Variants in BLM observed in about 807,000 individuals in gnomAD.
The protein encoded by BLM is BLM RecQ like helicase.
BLM carries 95 observed loss-of-function variants against 135.3 expected under a neutral mutation model. That is an observed-to-expected ratio of 0.70 (90% CI 0.59 to 0.83). BLM has a LOEUF of 0.83. BLM is among the 40% of genes least tolerant of loss of function. The probability of loss-of-function intolerance (pLI) is 0.00; values close to 1 mark genes in which losing one functional copy is unlikely to be tolerated. For synonymous variants in BLM, 520 were observed against 589.2 expected, an observed-to-expected ratio of 0.88 and a Z score of 1.70; for missense variants, 1,518 against 1,663.9, an observed-to-expected ratio of 0.91 and a Z score of 1.53.
rs1408233877 is a variant in BLM, at chr15:90,760,195, T to G, written c.1136T>G (p.Ile379Ser). ...CAGCTTATTCATGTGATGGAGCACATCTGTAAATTAATTGATACTATTCCT... is the reference window on the plus strand; with the variant it reads ...CAGCTTATTCATGTGATGGAGCACAGCTGTAAATTAATTGATACTATTCCT... ...QQQLIHVMEHICKLIDTIPDD... is the reference protein window; with the variant it reads ...QQQLIHVMEHSCKLIDTIPDD... Residue 379 changes from isoleucine (I) to serine (S), a missense_variant, in exon 6 of 22, where the codon ATC becomes AGC. Physicochemically the swap from Ile to Ser is moderately radical, Grantham distance 142. Transcript: ENST00000355112. The G allele has an allele frequency of 6.2e-7, 1 of 1,613,200 alleles. No individual in the cohort carries two copies. Among genetic ancestry groups the G allele is most frequent in the African/African-American group, 1.3e-5 (1 of 74,996 alleles).
At chr15:90,785,998 C>CT (rs869185558) in intron 14 of BLM, among the ~76,000 whole-genome samples, 1,462 of 110,632 alleles carry the variant, frequency 0.013, 20 homozygotes, top group East Asian at 0.041. Context: ...TCGTTTCTTT[C>CT]TTTTTTTTTT....
At chr15:90,741,836 A>G (rs1250221937) in intron 1 of BLM, among the ~76,000 whole-genome samples, 1 of 152,186 alleles carries the variant, frequency 6.6e-6, no homozygotes. Flanking sequence ...AAATGAGAGA[A>G]CAATATTGTT....
At chr15:90,753,425 C>T (rs1449029175) in intron 4 of BLM, among the ~76,000 whole-genome samples, 1 of 152,028 alleles carries the variant, frequency 6.6e-6, no homozygotes, top group African/African-American at 2.4e-5. Flanking sequence ...AATCATTTTC[C>T]AATTGCTACA....
chr15:90,728,233 G>A (rs1485041117), intron 1 of BLM, among the ~76,000 whole-genome samples: 1 of 152,084 alleles, frequency 6.6e-6, no homozygotes, highest in Non-Finnish European at 1.5e-5. Context: ...ACAGGGTTTT[G>A]CTGTGTTGCC....
At chr15:90,793,007 C>T (rs575118786) in intron 15 of BLM, among the ~76,000 whole-genome samples, 21 of 138,582 alleles carry the variant, frequency 1.5e-4, no homozygotes, top group Middle Eastern at 4.1e-3. Flanking sequence ...TTTGGGAGGC[C>T]GAGGCCAAAA....
chr15:90,748,682 T>C (rs1373707931), intron 2 of BLM, among the ~76,000 whole-genome samples: 1 of 152,084 alleles, frequency 6.6e-6, no homozygotes, highest in Non-Finnish European at 1.5e-5. Flanking sequence ...GAGTTAGCAG[T>C]TTTTAACTCT....
chr15:90,773,906 A>T (rs1165641134), intron 12 of BLM, among the ~76,000 whole-genome samples: 1 of 151,570 alleles, frequency 6.6e-6, no homozygotes, highest in Non-Finnish European at 1.5e-5. Context: ...AAGCTGTTTC[A>T]GTGTTTTGGT....
At chr15:90,735,655 A>T (rs1895194877) in intron 1 of BLM, among the ~76,000 whole-genome samples, 1 of 152,178 alleles carries the variant, frequency 6.6e-6, no homozygotes, top group Non-Finnish European at 1.5e-5. Context: ...TCTATACTTT[A>T]TATCAGACAC....
intron 1 of BLM, among the ~76,000 whole-genome samples, chr15:90,719,787 G>A (rs1339255984): frequency 6.6e-6 from 1 of 152,046 alleles, no homozygotes; most frequent in Non-Finnish European, 1.5e-5. Context: ...AGAGAAAAAT[G>A]GATAGAATAA....
chr15:90,738,610 A>G (rs961326789), intron 1 of BLM, among the ~76,000 whole-genome samples: 1 of 146,594 alleles, frequency 6.8e-6, no homozygotes, highest in African/African-American at 2.5e-5. Context: ...AAAAACTCAT[A>G]CAGCTCAACA....
intron 5 of BLM, among the ~76,000 whole-genome samples, chr15:90,757,883 TC>T: frequency 6.7e-6 from 1 of 150,084 alleles, no homozygotes; most frequent in African/African-American, 2.5e-5. Flanking sequence ...CCATTTTTTT[TC>T]CTTTTTTTCA....
chr15:90,787,063 T>G (rs1269954088), intron 14 of BLM, among the ~76,000 whole-genome samples: 2 of 117,764 alleles, frequency 1.7e-5, no homozygotes, highest in Admixed American at 8.1e-5. Context: ...TTTTTTTTTT[T>G]TTTGAGACGG....
chr15:90,760,557 C>T (rs777135765), intron 6 of BLM, 37 bp from the exon 7 acceptor site: 1 of 1,573,800 alleles, frequency 6.4e-7, no homozygotes, highest in Non-Finnish European at 8.7e-7. Context: ...GAGTAAACTA[C>T]TTATATTTAA....
chr15:90,793,157 C>T (rs1596258972), intron 15 of BLM, among the ~76,000 whole-genome samples: 2 of 144,164 alleles, frequency 1.4e-5, no homozygotes, highest in South Asian at 4.3e-4. Context: ...TTTTTTGAGA[C>T]GGAGTTGCGC....
chr15:90,729,125 C>T lies in BLM; in HGVS notation c.-5+11685C>T, dbSNP rs77733666. Reference sequence around the variant, plus strand: ...GGGAGTTTGAGACTAGCCTGGCCAACGTGGCGAAACTCCATCTCTACTAAA... The same window carrying T: ...GGGAGTTTGAGACTAGCCTGGCCAATGTGGCGAAACTCCATCTCTACTAAA... On this transcript the variant is annotated intron_variant, in intron 1 of 21. Transcript: ENST00000355112. Among the ~76,000 whole-genome samples the T allele has an allele frequency of 5.6e-3, 848 of 152,154 alleles. 10 individuals carry two copies. The highest frequency in any genetic ancestry group is 0.042 in the East Asian group (215 of 5,152).
At chr15:90,757,767 G>A (rs1032305493) in intron 5 of BLM, among the ~76,000 whole-genome samples, 6 of 152,206 alleles carry the variant, frequency 3.9e-5, no homozygotes, top group Admixed American at 3.3e-4. Context: ...ATTGTTTTCT[G>A]AGGATATGTA....
At chr15:90,814,703 G>A (rs2239292) in intron 21 of BLM, among the ~76,000 whole-genome samples, 28,399 of 152,166 alleles carry the variant, frequency 0.19, 2,797 homozygotes, top group African/African-American at 0.23. Context: ...CCTGTCAGCA[G>A]GGAGCTGGGG....
intron 1 of BLM, among the ~76,000 whole-genome samples, chr15:90,737,318 G>A (rs1329966036): frequency 6.6e-6 from 1 of 152,020 alleles, no homozygotes; most frequent in East Asian, 1.9e-4. Flanking sequence ...TATAGCTGTA[G>A]ATACAGAAAT....
intron 1 of BLM, among the ~76,000 whole-genome samples, chr15:90,728,596 G>A (rs1471592863): frequency 6.6e-6 from 1 of 150,948 alleles, no homozygotes; most frequent in Middle Eastern, 3.3e-3. Context: ...AGTAGAGACG[G>A]GGTTTCACCA....
Sources: gnomAD v4.1 joint callset for allele counts (sites outside exome capture counted in the v4.1 genomes callset) on GRCh38, gnomAD v4.1.1 for gene constraint, MANE v1.5 for transcripts, NCBI Gene and HGNC (gene_info 2026-07-23, HGNC 2026-07-21) for gene names.